The following OPA1 variants were observed in gnomAD, a reference collection of about 807,000 sequenced individuals.
The protein encoded by OPA1 is dynamin-like GTPase OPA1, mitochondrial.
A neutral mutation model predicts 152.9 loss-of-function variants in OPA1; 59 were observed. That is an observed-to-expected ratio of 0.39 (90% CI 0.31 to 0.48). OPA1 has a LOEUF of 0.48. Ranked by LOEUF, OPA1 falls within the 20% of genes least tolerant of loss-of-function variation. The pLI is 0.96. For synonymous variants in OPA1, 400 were observed against 389.9 expected (o/e 1.03, Z -0.31); for missense variants, 1,008 against 1,216.8 (o/e 0.83, Z 2.55).
chr3:193,666,417 T>C, intron 28 of OPA1, 28 bp downstream of exon 28: 2 of 1,493,024 alleles, frequency 1.3e-6, no homozygotes, highest in Non-Finnish European at 1.9e-6. Context: ...TGCAGTCTTA[T>C]TTTGACATTA....
At chr3:193,663,345 A>G (rs1022250064) in intron 26 of OPA1, among the ~76,000 whole-genome samples, 23 of 152,150 alleles carry the variant, frequency 1.5e-4, no homozygotes, top group African/African-American at 5.5e-4. Context: ...TTTACAGTCA[A>G]ATGTAACTCA....
At chr3:193,662,299 C>T (rs1233969467) in intron 25 of OPA1, among the ~76,000 whole-genome samples, 1 of 152,050 alleles carries the variant, frequency 6.6e-6, no homozygotes, top group East Asian at 1.9e-4. Flanking sequence ...TCTGAAGTAC[C>T]ATTTTTTATG....
intron 22 of OPA1, among the ~76,000 whole-genome samples, chr3:193,655,311 G>A (rs1713529873): frequency 6.6e-6 from 1 of 150,912 alleles, no homozygotes; most frequent in Admixed American, 6.6e-5. Context: ...TGAAATATTT[G>A]CTTGAGTATT....
chr3:193,643,514 C>T lies in OPA1; in HGVS notation c.1378-14C>T, dbSNP rs1342964565. ...GAAGCATTTATAATGACATTTAAAA[C>T]CTTTTTCTTTAAGACTGTGACATCA... is the stretch of plus-strand genomic sequence containing the variant. On this transcript the variant is annotated splice_polypyrimidine_tract_variant and intron_variant, in intron 14 of 30. Coordinates refer to ENST00000361510, the MANE Select transcript of OPA1 (RefSeq NM_130837.3). 2 of 1,612,080 alleles carry T rather than the reference C, an allele frequency of 1.2e-6. No homozygotes were observed. Among genetic ancestry groups the T allele is most frequent in the South Asian group, 1.1e-5 (1 of 91,040 alleles).
At chr3:193,634,227 T>C (rs1032933797) in intron 8 of OPA1, among the ~76,000 whole-genome samples, 2 of 151,704 alleles carry the variant, frequency 1.3e-5, no homozygotes, top group African/African-American at 4.8e-5. Context: ...GGAAGACAAA[T>C]TAGAAAGGAT....
chr3:193,608,033 A>G (rs112870172), intron 1 of OPA1, among the ~76,000 whole-genome samples: 6 of 152,242 alleles, frequency 3.9e-5, no homozygotes, highest in East Asian at 1.9e-4. Flanking sequence ...ATTGTGAATG[A>G]GAGTTCACTC....
intron 3 of OPA1, 128 bp downstream of exon 3, chr3:193,615,898 A>C: frequency 4.5e-6 from 3 of 671,642 alleles, no homozygotes; most frequent in Non-Finnish European, 8.0e-6. Flanking sequence ...TAAGTAATAG[A>C]ATATCAATGA....
intron 6 of OPA1, among the ~76,000 whole-genome samples, chr3:193,623,539 T>C (rs981595978): frequency 1.3e-5 from 2 of 151,826 alleles, no homozygotes; most frequent in African/African-American, 4.8e-5. Flanking sequence ...AGATGAGAGA[T>C]TGAGATCTGC....
Position 193,593,325 on chromosome 3 carries a change from C to A in OPA1, c.-53C>A. 1 of 1,528,916 alleles carries A rather than the reference C, an allele frequency of 6.5e-7. No individual in the cohort carries two copies. The highest frequency in any genetic ancestry group is 8.8e-7 in the Non-Finnish European group (1 of 1,135,580). 94.7% of individuals were successfully genotyped at this position (1,528,916 alleles called of 1,614,324 possible). ...ACCGGGAGCCGGGCTGGGGCTCACA[C>A]GGGGGCTCCCGCGTGGCCGTCTCGG... On this transcript the variant is annotated 5_prime_UTR_variant, in exon 1 of 31. Coordinates refer to ENST00000361510, the MANE Select transcript of OPA1 (RefSeq NM_130837.3).
chr3:193,668,839 T>C (rs1717288968), intron 29 of OPA1: 2 of 1,096,516 alleles, frequency 1.8e-6, no homozygotes, highest in Non-Finnish European at 1.1e-6. Context: ...AAGATAGGAT[T>C]GCATACTAAA....
At chr3:193,616,640 C>A (rs1231101802) in intron 3 of OPA1, among the ~76,000 whole-genome samples, 1 of 152,098 alleles carries the variant, frequency 6.6e-6, no homozygotes, top group Non-Finnish European at 1.5e-5. Context: ...TCTTAGTTGG[C>A]CACTGCCCTC....
At chr3:193,632,955 G>C (rs1169009731) in intron 8 of OPA1, among the ~76,000 whole-genome samples, 2 of 152,206 alleles carry the variant, frequency 1.3e-5, no homozygotes, top group African/African-American at 4.8e-5. Flanking sequence ...TATCTGAGGT[G>C]CTTGGGGCCA....
At chr3:193,611,635 C>T (rs1418567887) in intron 1 of OPA1, among the ~76,000 whole-genome samples, 1 of 151,118 alleles carries the variant, frequency 6.6e-6, no homozygotes. Context: ...CAGCTAAGGC[C>T]ACCAATTCAG....
At chr3:193,640,388 G>A (rs777218344) in intron 11 of OPA1, among the ~76,000 whole-genome samples, 16 of 152,164 alleles carry the variant, frequency 1.1e-4, no homozygotes, top group Non-Finnish European at 2.1e-4. Flanking sequence ...AAAACATGGA[G>A]GAGGAGGGAG....
At chr3:193,662,794 A>T in intron 25 of OPA1, 28 bp from the exon 26 acceptor site, 1 of 1,604,852 alleles carries the variant, frequency 6.2e-7, no homozygotes. Flanking sequence ...AACCATCTAA[A>T]CACAGTCCTT....
At chr3:193,656,778 G>C (rs1030813762) in intron 22 of OPA1, among the ~76,000 whole-genome samples, 11 of 152,114 alleles carry the variant, frequency 7.2e-5, no homozygotes, top group African/African-American at 2.7e-4. Flanking sequence ...AAGAGAAGCC[G>C]TAAATGCAGA....
chr3:193,611,596 C>CAAA (rs35159597), intron 1 of OPA1, among the ~76,000 whole-genome samples: 27 of 68,754 alleles, frequency 3.9e-4, no homozygotes, highest in East Asian at 1.2e-3. Flanking sequence ...GACTCCACCT[C>CAAA]AAAAAAAAAA....
chr3:193,683,232 A>G (rs4443116), intron 29 of OPA1, among the ~76,000 whole-genome samples: 78,859 of 151,214 alleles, frequency 0.52, 21,282 homozygotes, highest in African/African-American at 0.65. Context: ...CAGATGAAAC[A>G]TTGCTTTTTA....
At chr3:193,691,628 G>A (rs1721701544) in intron 29 of OPA1, 1 of 154,738 alleles carries the variant, frequency 6.5e-6, no homozygotes, top group African/African-American at 2.4e-5. Context: ...TATTTAAAAA[G>A]TCATTTCCCA....
Sources: gnomAD v4.1 joint callset for allele counts (sites outside exome capture counted in the v4.1 genomes callset) on GRCh38, gnomAD v4.1.1 for gene constraint, MANE v1.5 for transcripts, NCBI Gene and HGNC (gene_info 2026-07-23, HGNC 2026-07-21) for gene names.